The following INSR variants were observed in gnomAD, a reference collection of about 807,000 sequenced individuals.
The protein encoded by INSR is insulin receptor.
A neutral mutation model predicts 142.6 loss-of-function variants in INSR; 67 were observed. The observed-to-expected ratio is 0.47, with a 90% confidence interval of 0.39 to 0.58. The LOEUF (loss-of-function observed/expected upper bound fraction) is 0.58, where lower values mean the gene tolerates loss of function less well. Among genes scored for constraint, INSR ranks in the 20% least tolerant of loss-of-function variants. The pLI, the probability that INSR is intolerant of heterozygous loss-of-function variation, is 0.00. For missense variants in INSR, 1,248 were observed against 1,833.2 expected, an observed-to-expected ratio of 0.68 and a Z score of 5.83; for synonymous variants, 756 against 743.1, an observed-to-expected ratio of 1.02 and a Z score of -0.28.
intron 2 of INSR, among the ~76,000 whole-genome samples, chr19:7,250,393 A>G (rs568283994): frequency 0.046 from 1,899 of 40,994 alleles, 28 homozygotes; most frequent in Admixed American, 0.13. Context: ...AAGGGAGAGA[A>G]GGAAGGGAGG....
At chr19:7,123,888 A>C (rs913038954) in intron 17 of INSR, among the ~76,000 whole-genome samples, 1 of 150,300 alleles carries the variant, frequency 6.7e-6, no homozygotes, top group Non-Finnish European at 1.5e-5. Context: ...GTGCCACTGC[A>C]CTCCACTCTG....
Position 7,180,717 on chromosome 19 carries a change from T to C in INSR, c.974+3599A>G, listed in dbSNP as rs985110702. 2.0e-5 allele frequency among the ~76,000 whole-genome samples: 3 copies of C among 151,450 alleles called. No individual in the cohort carries two copies. The South Asian group carries it at 6.3e-4, about 32-fold the overall frequency. On this transcript the variant is annotated intron_variant, in intron 3 of 21. Coordinates refer to ENST00000302850, the MANE Select transcript of INSR (RefSeq NM_000208.4). ...CATTCTCAAATGCAGGGACAAGCAT[T>C]ATAGGAAGAGGGAACAGCTAATTGA...
chr19:7,207,717 G>T (rs12971459), intron 2 of INSR, among the ~76,000 whole-genome samples: 109,527 of 151,580 alleles, frequency 0.72, 39,820 homozygotes, highest in Non-Finnish European at 0.75. Context: ...AAGACCAGAA[G>T]TTCGAGACAA....
rs1463666899 is a variant in INSR at position 7,125,238 on chromosome 19, A to G, written c.3258+45T>C. 8 of 1,612,226 alleles carry G rather than the reference A, an allele frequency of 5.0e-6. No homozygotes were observed. Among genetic ancestry groups the G allele is most frequent in the Non-Finnish European group, 8.5e-7 (1 of 1,179,498 alleles). On this transcript the variant is annotated intron_variant, in intron 17 of 21. Coordinates refer to ENST00000302850, the MANE Select transcript of INSR (RefSeq NM_000208.4). The surrounding 1 kb of genome is among the most constrained non-coding windows in gnomAD (Gnocchi z 4.9). ...GCAGGAGGAGGAGGCAGAGAAAGGG[A>G]AGGGTCAGGAAAGCCAGCCCATGTC...
chr19:7,152,990 C>T (rs1973414515), intron 9 of INSR, 63 bp from the exon 10 acceptor site: 1 of 876,692 alleles, frequency 1.1e-6, no homozygotes, highest in Non-Finnish European at 1.8e-6. Flanking sequence ...TACACACACA[C>T]ACACACCCCA....
At chr19:7,195,621 GAC>G (rs1974723211) in intron 2 of INSR, among the ~76,000 whole-genome samples, 1 of 151,642 alleles carries the variant, frequency 6.6e-6, no homozygotes, top group African/African-American at 2.4e-5. Flanking sequence ...TAGCCTGGGT[GAC>G]AGAGTAAGAC....
intron 11 of INSR, among the ~76,000 whole-genome samples, chr19:7,145,726 C>T (rs1364467900): frequency 6.6e-6 from 1 of 152,232 alleles, no homozygotes; most frequent in South Asian, 2.1e-4. Context: ...AGTTTGCCTA[C>T]CCTTGAGCTA....
Position 7,225,321 on chromosome 19 carries a change from C to G in INSR, c.653-40684G>C, listed in dbSNP as rs1010445626. 2.0e-5 allele frequency among the ~76,000 whole-genome samples: 3 copies of G among 152,146 alleles called. No individual in the cohort carries two copies. Among genetic ancestry groups the G allele is most frequent in the African/African-American group, 7.2e-5 (3 of 41,426 alleles). The stretch of plus-strand genomic sequence containing the variant: ...TAAGATGATTCCTCAGGGAGAAACG[C>G]TAATGTTCCCCTTCCCCGACACTTT... On this transcript the variant is annotated intron_variant, in intron 2 of 21. Coordinates refer to ENST00000302850, the MANE Select transcript of INSR (RefSeq NM_000208.4). The surrounding 1 kb of genome is among the most constrained non-coding windows in gnomAD (Gnocchi z 4.7).
At chr19:7,137,798 C>CA (rs1176523364) in intron 13 of INSR, among the ~76,000 whole-genome samples, 3,154 of 41,476 alleles carry the variant, frequency 0.076, 959 homozygotes, top group African/African-American at 0.25. Context: ...GACTCCATCT[C>CA]AAAAAAAAAA....
chr19:7,132,367 G>A, intron 13 of INSR, 50 bp from the exon 14 acceptor site: 1 of 1,595,796 alleles, frequency 6.3e-7, no homozygotes, highest in Non-Finnish European at 8.5e-7. Context: ...TTGCACATCT[G>A]GGAGTGTCCA....
chr19:7,147,916 A>G (rs72990456), intron 11 of INSR, among the ~76,000 whole-genome samples: 11,186 of 150,808 alleles, frequency 0.074, 586 homozygotes, highest in African/African-American at 0.15. Context: ...CAAAGCATCA[A>G]CTGATTTTTT....
At chr19:7,263,140 T>C (rs1245891648) in intron 2 of INSR, among the ~76,000 whole-genome samples, 1 of 152,048 alleles carries the variant, frequency 6.6e-6, no homozygotes, top group Non-Finnish European at 1.5e-5. Context: ...TAGCCGGGCA[T>C]GGTGGCTGGT....
At chr19:7,259,607 C>T (rs12611104) in intron 2 of INSR, among the ~76,000 whole-genome samples, 2 of 151,948 alleles carry the variant, frequency 1.3e-5, no homozygotes, top group East Asian at 1.9e-4. Context: ...TCACTTGAGG[C>T]CAGGAGTTCA....
In INSR at chr19:7,232,180, T is replaced by C. The variant is rs374084657; in HGVS notation, c.652+35165A>G. Among the ~76,000 whole-genome samples the C allele has an allele frequency of 1.1e-4, 16 of 151,652 alleles. No individual in the cohort carries two copies. In the East Asian group the frequency reaches 1.8e-3, roughly 17 times the overall value. ...TGCATATATTTTTTGTCAAAATTCATTGAACTCAATGCTTCAGATCTGTGC... is the reference window on the plus strand; with the variant it reads ...TGCATATATTTTTTGTCAAAATTCACTGAACTCAATGCTTCAGATCTGTGC... On this transcript the variant is annotated intron_variant, in intron 2 of 21. Transcript: ENST00000302850.
At position 7,163,036 on chromosome 19, in the gene INSR, G is replaced by T. The variant is rs1345098961; in HGVS notation, c.2025C>A (p.Leu675=). ...AGCACAGCTGCCTGCACTCACCTTT[G>T]AGGCAATAATCCAGCTCGAACAGCT... ...DSELFELDYC[L]KGLKLPSRTW... is the part of the protein sequence containing the mutation. The change falls in exon 9 of 22, where the codon CTC becomes CTA. Residue 675 remains leucine, a synonymous_variant. Transcript: ENST00000302850. The T allele has an allele frequency of 1.9e-6, 3 of 1,613,228 alleles. No individual in the cohort carries two copies. The highest frequency in any genetic ancestry group is 2.5e-6 in the Non-Finnish European group (3 of 1,179,938).
intron 1 of INSR, among the ~76,000 whole-genome samples, chr19:7,273,160 TA>T (rs1967971291): frequency 6.6e-6 from 1 of 152,246 alleles, no homozygotes; most frequent in African/African-American, 2.4e-5. Context: ...TCTGTCTCAC[TA>T]AAGTTGTTAT....
At chr19:7,207,966 G>C (rs1250599376) in intron 2 of INSR, among the ~76,000 whole-genome samples, 3 of 135,404 alleles carry the variant, frequency 2.2e-5, no homozygotes, top group African/African-American at 5.3e-5. Flanking sequence ...GGGAGGGAGG[G>C]AGGCAAAGAA....
intron 2 of INSR, among the ~76,000 whole-genome samples, chr19:7,201,495 G>A (rs1433729642): frequency 6.6e-6 from 1 of 150,946 alleles, no homozygotes; most frequent in Non-Finnish European, 1.5e-5. Flanking sequence ...TGTGGTGGTG[G>A]GCGCCTGTAA....
intron 15 of INSR, 56 bp downstream of exon 15, chr19:7,128,796 G>T: frequency 8.2e-7 from 1 of 1,217,872 alleles, no homozygotes; most frequent in Non-Finnish European, 1.2e-6. Context: ...ATCAAGGCAT[G>T]TTTTCCCCCA....
Sources: gnomAD v4.1 joint callset for allele counts (sites outside exome capture counted in the v4.1 genomes callset) on GRCh38, gnomAD v4.1.1 for gene constraint, Gnocchi (gnomAD v3.1) non-coding constraint, MANE v1.5 for transcripts, NCBI Gene and HGNC (gene_info 2026-07-23, HGNC 2026-07-21) for gene names.